CCSER1: variants seen among roughly 807,000 people sequenced by gnomAD.
CCSER1 encodes the protein coiled-coil serine rich protein 1.
Under a neutral mutation model 82.0 loss-of-function variants are expected in CCSER1, and 41 were observed. The ratio of observed to expected loss-of-function variants is 0.50; its 90% confidence interval spans 0.39 to 0.65. The LOEUF is 0.65. Among genes scored for constraint, CCSER1 ranks in the 30% least tolerant of loss-of-function variants. The probability of loss-of-function intolerance (pLI) is 0.00; values close to 1 mark genes in which losing one functional copy is unlikely to be tolerated. For missense variants in CCSER1, 1,119 were observed against 1,064.2 expected (o/e 1.05, Z -0.72); for synonymous variants, 414 against 383.9 (o/e 1.08, Z -0.92).
At chr4:91,485,807 GC>G (rs2110057889) in intron 10 of CCSER1, among the ~76,000 whole-genome samples, 1 of 152,070 alleles carries the variant, frequency 6.6e-6, no homozygotes, top group Non-Finnish European at 1.5e-5. Flanking sequence ...AGATGATGAA[GC>G]AAAAAATCGA....
intron 9 of CCSER1, among the ~76,000 whole-genome samples, chr4:91,023,130 C>T (rs900732018): frequency 6.6e-6 from 1 of 152,128 alleles, no homozygotes; most frequent in African/African-American, 2.4e-5. Context: ...AGGAGAACTA[C>T]AAACCACTGC....
rs566582781 is a variant in CCSER1 at position 90,994,075 on chromosome 4, C to T, written c.2172+70628C>T. 6.6e-5 allele frequency among the ~76,000 whole-genome samples: 10 copies of T among 152,010 alleles called. No homozygotes were observed. In the South Asian group the frequency reaches 1.2e-3, roughly 19 times the overall value. ...TTAGCTGGGTGCACTGGCATGCTCA[C>T]GTAGTCCCGGCTATTTGAGAGGCTG... On this transcript the variant is annotated intron_variant, in intron 9 of 10. Coordinates refer to ENST00000509176, the MANE Select transcript of CCSER1 (RefSeq NM_001145065.2).
chr4:90,420,379 T>C (rs1356031975), intron 4 of CCSER1, among the ~76,000 whole-genome samples: 2 of 152,056 alleles, frequency 1.3e-5, no homozygotes, highest in Non-Finnish European at 1.5e-5. Context: ...CTCCTCCTAC[T>C]TCTTCTCCTA....
chr4:90,544,939 C>A (rs544720600), intron 5 of CCSER1, among the ~76,000 whole-genome samples: 1 of 152,056 alleles, frequency 6.6e-6, no homozygotes, highest in Non-Finnish European at 1.5e-5. Context: ...CTCTGTCTTT[C>A]CAGAGCTTTC....
intron 9 of CCSER1, among the ~76,000 whole-genome samples, chr4:90,985,789 T>A (rs1208300268): frequency 1.3e-5 from 2 of 151,732 alleles, no homozygotes; most frequent in African/African-American, 2.4e-5. Flanking sequence ...ATTTTAGGAA[T>A]GTGTTAATTG....
chr4:91,377,866 G>A (rs1454984207), intron 10 of CCSER1, among the ~76,000 whole-genome samples: 2 of 152,178 alleles, frequency 1.3e-5, no homozygotes, highest in East Asian at 1.9e-4. Context: ...TTTCTTCTAG[G>A]GTTTTTATGG....
intron 5 of CCSER1, among the ~76,000 whole-genome samples, chr4:90,536,045 T>TG (rs1387333672): frequency 4.6e-4 from 69 of 149,286 alleles, no homozygotes; most frequent in African/African-American, 1.5e-3. Context: ...TTTTTTTTTT[T>TG]TTTTTGAGAC....
At chr4:90,584,367 TA>T in intron 5 of CCSER1, among the ~76,000 whole-genome samples, 1 of 152,120 alleles carries the variant, frequency 6.6e-6, no homozygotes, top group Non-Finnish European at 1.5e-5. Flanking sequence ...TTCTAGTTGC[TA>T]AGAGCCAGCA....
At chr4:90,591,428 G>GA (rs1362866052) in intron 5 of CCSER1, among the ~76,000 whole-genome samples, 4 of 151,908 alleles carry the variant, frequency 2.6e-5, no homozygotes, top group Non-Finnish European at 5.9e-5. Context: ...GCAAACATAT[G>GA]AAAAAAAGCT....
chr4:91,470,196 T>A (rs187646455), intron 10 of CCSER1, among the ~76,000 whole-genome samples: 7 of 152,338 alleles, frequency 4.6e-5, no homozygotes, highest in African/African-American at 1.7e-4. Context: ...ATGTTGAATT[T>A]GAAGTGAAGT....
chr4:90,484,004 G>A (rs908416037), intron 5 of CCSER1, among the ~76,000 whole-genome samples: 3 of 152,138 alleles, frequency 2.0e-5, no homozygotes, highest in Non-Finnish European at 2.9e-5. Context: ...TCACTTTCAG[G>A]TACACCAATT....
chr4:91,316,533 T>C (rs1227676433), intron 10 of CCSER1, among the ~76,000 whole-genome samples: 2 of 152,050 alleles, frequency 1.3e-5, no homozygotes, highest in Non-Finnish European at 2.9e-5. Flanking sequence ...GGATATACAA[T>C]GTTTATTCTA....
intron 10 of CCSER1, among the ~76,000 whole-genome samples, chr4:91,391,869 C>T (rs2149350378): frequency 6.6e-6 from 1 of 152,110 alleles, no homozygotes; most frequent in East Asian, 1.9e-4. Context: ...AATTTTTCAA[C>T]CTCTAAGATC....
chr4:90,452,372 G>A (rs1761573551), intron 4 of CCSER1, among the ~76,000 whole-genome samples: 1 of 152,158 alleles, frequency 6.6e-6, no homozygotes, highest in Non-Finnish European at 1.5e-5. Flanking sequence ...TATTTGAGTA[G>A]GTGGTTGTCT....
At chr4:91,336,504 C>A (rs567028657) in intron 10 of CCSER1, among the ~76,000 whole-genome samples, 5 of 152,172 alleles carry the variant, frequency 3.3e-5, no homozygotes, top group African/African-American at 1.2e-4. Context: ...ATGCAAAACA[C>A]ATCTTTGATA....
At chr4:90,732,712 A>G (rs1023705059) in intron 7 of CCSER1, among the ~76,000 whole-genome samples, 2 of 152,162 alleles carry the variant, frequency 1.3e-5, no homozygotes, top group Non-Finnish European at 2.9e-5. Context: ...AGCACTATAT[A>G]TTAATTTGTT....
chr4:91,042,056 T>C (rs1416993033), intron 9 of CCSER1, among the ~76,000 whole-genome samples: 1 of 152,174 alleles, frequency 6.6e-6, no homozygotes, highest in Non-Finnish European at 1.5e-5. Context: ...CAAGATATTG[T>C]CTCGTTTTTA....
intron 10 of CCSER1, among the ~76,000 whole-genome samples, chr4:91,482,997 G>A (rs1190714634): frequency 6.6e-6 from 1 of 151,982 alleles, no homozygotes. Context: ...TAATGTAAAT[G>A]AGGAGTTAAT....
At chr4:90,499,347 T>G (rs1207616890) in intron 5 of CCSER1, among the ~76,000 whole-genome samples, 1 of 152,118 alleles carries the variant, frequency 6.6e-6, no homozygotes. Flanking sequence ...CTATTTCATG[T>G]CTCTATATAT....
Sources: gnomAD v4.1 joint callset for allele counts (sites outside exome capture counted in the v4.1 genomes callset) on GRCh38, gnomAD v4.1.1 for gene constraint, MANE v1.5 for transcripts, NCBI Gene and HGNC (gene_info 2026-07-23, HGNC 2026-07-21) for gene names.